PLD5: variants seen among roughly 807,000 people sequenced by gnomAD.
PLD5 encodes the protein inactive phospholipase D5.
A neutral mutation model predicts 61.1 loss-of-function variants in PLD5; 36 were observed. The ratio of observed to expected loss-of-function variants is 0.59; its 90% CI spans 0.45 to 0.78. The LOEUF is 0.78. PLD5 is among the 30% of genes least tolerant of loss of function. The probability of loss-of-function intolerance (pLI) is 0.00; values close to 1 mark genes in which losing one functional copy is unlikely to be tolerated. For synonymous variants in PLD5, 243 were observed against 242.8 expected (o/e 1.00, Z -0.01); for missense variants, 515 against 644.4 (o/e 0.80, Z 2.17).
chr1:242,177,459 A>T (rs1667235539), intron 5 of PLD5, among the ~76,000 whole-genome samples: 1 of 152,112 alleles, frequency 6.6e-6, no homozygotes, highest in African/African-American at 2.4e-5. Flanking sequence ...AGAAATACCT[A>T]ATGTAGGTGA....
chr1:242,407,786 T>A (rs1664325958), intron 1 of PLD5, among the ~76,000 whole-genome samples: 1 of 151,856 alleles, frequency 6.6e-6, no homozygotes, highest in Admixed American at 6.6e-5. Context: ...ACCATGGTGG[T>A]CAGGATGGTC....
chr1:242,415,679 A>T (rs1448951048), intron 1 of PLD5, among the ~76,000 whole-genome samples: 1 of 151,744 alleles, frequency 6.6e-6, no homozygotes, highest in Admixed American at 6.6e-5. Flanking sequence ...CGCCCGGCCA[A>T]ATTTTTTGTA....
At chr1:242,491,910 C>T (rs1403789626) in intron 1 of PLD5, among the ~76,000 whole-genome samples, 2 of 152,180 alleles carry the variant, frequency 1.3e-5, no homozygotes, top group Non-Finnish European at 2.9e-5. Flanking sequence ...TCTTATAATG[C>T]TGCAATTATC....
chr1:242,394,053 A>T (rs10926720), intron 1 of PLD5, among the ~76,000 whole-genome samples: 1 of 85,014 alleles, frequency 1.2e-5, no homozygotes, highest in African/African-American at 4.1e-5. Flanking sequence ...CGACGACTCC[A>T]TCTCAAAAAA....
chr1:242,404,466 T>C (rs987554878), intron 1 of PLD5, among the ~76,000 whole-genome samples: 4 of 152,268 alleles, frequency 2.6e-5, no homozygotes, highest in Admixed American at 2.6e-4. Context: ...TACGAGCGTT[T>C]CTAGCTGGCT....
chr1:242,254,920 C>G (rs888724937), intron 4 of PLD5, among the ~76,000 whole-genome samples: 1 of 152,232 alleles, frequency 6.6e-6, no homozygotes, highest in Non-Finnish European at 1.5e-5. Context: ...AGGTGGAAGA[C>G]AGAATCCCTT....
At chr1:242,312,598 C>T (rs1676767739) in intron 2 of PLD5, among the ~76,000 whole-genome samples, 1 of 152,172 alleles carries the variant, frequency 6.6e-6, no homozygotes, top group African/African-American at 2.4e-5. Context: ...TCCTATCTTC[C>T]TCTAGCCTGA....
intron 5 of PLD5, among the ~76,000 whole-genome samples, chr1:242,174,012 C>A (rs1666946630): frequency 6.6e-6 from 1 of 152,018 alleles, no homozygotes; most frequent in Non-Finnish European, 1.5e-5. Context: ...TCTAAAACAC[C>A]AAAAGCAATG....
At chr1:242,448,579 G>T (rs554147732) in intron 1 of PLD5, among the ~76,000 whole-genome samples, 1 of 152,056 alleles carries the variant, frequency 6.6e-6, no homozygotes, top group Non-Finnish European at 1.5e-5. Context: ...CCCATCTCCC[G>T]TGTTTTCCTC....
intron 2 of PLD5, among the ~76,000 whole-genome samples, chr1:242,333,151 A>G (rs1470517851): frequency 1.3e-5 from 2 of 152,210 alleles, no homozygotes; most frequent in East Asian, 3.9e-4. Flanking sequence ...TTGTCAAAAG[A>G]TGGAGCTGTT....
intron 2 of PLD5, among the ~76,000 whole-genome samples, chr1:242,334,209 C>G (rs369033004): frequency 6.6e-6 from 1 of 152,028 alleles, no homozygotes; most frequent in South Asian, 2.1e-4. Flanking sequence ...TATGGGCAAG[C>G]TTTGTGAGGG....
At position 242,085,992 on chromosome 1, in the gene PLD5, G is replaced by T. The variant is rs867893099; in HGVS notation, c.*3862C>A. 5.3e-5 allele frequency: 8 copies of T among 152,046 alleles called. No homozygotes were observed. Among genetic ancestry groups the T allele is most frequent in the South Asian group, 2.1e-4 (1 of 4,832 alleles). The allele number at this position is 152,046 out of a possible 1,614,324, so 9.4% of individuals were successfully genotyped here. A position where few individuals can be genotyped will look rare whatever the true frequency, so the allele number is the denominator to read the frequency against. On this transcript the variant is annotated 3_prime_UTR_variant, in exon 10 of 10. Coordinates refer to ENST00000536534, the MANE Select transcript of PLD5 (RefSeq NM_001372062.1). Reference sequence around the variant, plus strand: ...CCCCTTGGAATTTAGTTCAATAAAAGTTCCTAAAAACAAACAGAATGAATC... The same window carrying T: ...CCCCTTGGAATTTAGTTCAATAAAATTTCCTAAAAACAAACAGAATGAATC...
At chr1:242,483,200 A>G (rs1667843364) in intron 1 of PLD5, among the ~76,000 whole-genome samples, 2 of 152,186 alleles carry the variant, frequency 1.3e-5, no homozygotes, top group Admixed American at 6.5e-5. Flanking sequence ...TCAAATTCAC[A>G]CATAACAATA....
intron 1 of PLD5, among the ~76,000 whole-genome samples, chr1:242,364,267 A>G (rs1458556027): frequency 5.9e-5 from 9 of 152,246 alleles, no homozygotes; most frequent in Admixed American, 2.0e-4. Flanking sequence ...CAATATGTAC[A>G]TAGAGGAACT....
intron 1 of PLD5, among the ~76,000 whole-genome samples, chr1:242,430,992 G>C (rs1665685468): frequency 6.6e-6 from 1 of 152,186 alleles, no homozygotes; most frequent in Non-Finnish European, 1.5e-5. Context: ...CCTGAACCCA[G>C]CATCTCCTCT....
At chr1:242,465,862 G>A (rs979130802) in intron 1 of PLD5, among the ~76,000 whole-genome samples, 1 of 152,192 alleles carries the variant, frequency 6.6e-6, no homozygotes, top group African/African-American at 2.4e-5. Flanking sequence ...CTGGGAGGCG[G>A]AGGTTGCAGT....
intron 3 of PLD5, among the ~76,000 whole-genome samples, chr1:242,273,842 C>T (rs1196891167): frequency 6.6e-6 from 1 of 152,118 alleles, no homozygotes; most frequent in Non-Finnish European, 1.5e-5. Context: ...AGATGCTGGC[C>T]TTGAAGGCTG....
intron 5 of PLD5, among the ~76,000 whole-genome samples, chr1:242,186,398 G>C (rs1667891140): frequency 6.6e-6 from 1 of 152,102 alleles, no homozygotes; most frequent in South Asian, 2.1e-4. Flanking sequence ...GGTCAGGCTG[G>C]TCTTGAACTC....
At chr1:242,426,309 TAAAAA>T (rs56996310) in intron 1 of PLD5, among the ~76,000 whole-genome samples, 3 of 120,060 alleles carry the variant, frequency 2.5e-5, no homozygotes, top group African/African-American at 6.4e-5. Flanking sequence ...CGTTTCCAGT[TAAAAA>T]AAAAAAAAAA....
Sources: gnomAD v4.1 joint callset for allele counts (sites outside exome capture counted in the v4.1 genomes callset) on GRCh38, gnomAD v4.1.1 for gene constraint, MANE v1.5 for transcripts, NCBI Gene and HGNC (gene_info 2026-07-23, HGNC 2026-07-21) for gene names.